RMDN2: variants seen among roughly 807,000 people sequenced by gnomAD.
RMDN2 encodes regulator of microtubule dynamics protein 2.
RMDN2 carries 61 observed loss-of-function variants against 52.8 expected under a neutral mutation model. The ratio of observed to expected loss-of-function variants is 1.16; its 90% CI spans 0.94 to 1.43. The LOEUF (loss-of-function observed/expected upper bound fraction) is 1.43. RMDN2 is among the 40% of genes most tolerant of loss of function. The pLI is 0.00. For missense variants in RMDN2, 592 were observed against 475.3 expected, an observed-to-expected ratio of 1.25 and a Z score of -2.28; for synonymous variants, 180 against 153.1, an observed-to-expected ratio of 1.18 and a Z score of -1.30.
intron 2 of RMDN2, among the ~76,000 whole-genome samples, chr2:37,962,674 T>G (rs1315349266): frequency 6.6e-6 from 1 of 152,006 alleles, no homozygotes. Context: ...CTCCCTGGCT[T>G]TTGCCTCCTT....
chr2:37,968,682 A>C (rs1034636746), intron 2 of RMDN2, among the ~76,000 whole-genome samples: 2 of 152,212 alleles, frequency 1.3e-5, no homozygotes, highest in African/African-American at 4.8e-5. Context: ...ACAATGGCAT[A>C]GTTTTTGTGA....
In RMDN2 at chr2:38,009,491, G is replaced by T. The variant is rs184053668; in HGVS notation, c.1179+5275G>T. Among the ~76,000 whole-genome samples the T allele has an allele frequency of 5.3e-5, 8 of 152,220 alleles. No homozygotes were observed. The East Asian group carries it at 1.5e-3, about 29-fold the overall frequency. ...TCCATCACTGATACCCTTTCTTCCAGTTGATCAAATTGGCTACTGAGGCTT... is the reference window on the plus strand; with the variant it reads ...TCCATCACTGATACCCTTTCTTCCATTTGATCAAATTGGCTACTGAGGCTT... On this transcript the variant is annotated intron_variant, in intron 10 of 10. Transcript: ENST00000354545.
At chr2:38,015,416 T>G (rs549802932) in intron 10 of RMDN2, among the ~76,000 whole-genome samples, 21 of 152,070 alleles carry the variant, frequency 1.4e-4, no homozygotes, top group African/African-American at 4.8e-4. Context: ...AATACAAAAA[T>G]TAGCTGGGCA....
intron 2 of RMDN2, among the ~76,000 whole-genome samples, chr2:37,961,429 T>G (rs972592955): frequency 1.3e-5 from 2 of 151,988 alleles, no homozygotes; most frequent in African/African-American, 4.8e-5. Flanking sequence ...ACAATTTATT[T>G]CATTAAGTTA....
In RMDN2 at chr2:37,939,724, A is replaced by T. The variant is rs1027572398; in HGVS notation, c.452+9995A>T. Among the ~76,000 whole-genome samples, 5 of 151,950 alleles carry T rather than the reference A, an allele frequency of 3.3e-5. No homozygotes were observed. The East Asian group carries it at 9.6e-4, about 29-fold the overall frequency. On this transcript the variant is annotated intron_variant, in intron 2 of 10. Transcript: ENST00000354545. The stretch of plus-strand genomic sequence containing the variant: ...TAGTATTGCAAACCCTGCTTTTTTT[A>T]GCTTTCCATTTGCTTTGTAAATCAT...
intron 2 of RMDN2, among the ~76,000 whole-genome samples, chr2:37,940,397 T>G (rs1027187010): frequency 6.6e-6 from 1 of 152,148 alleles, no homozygotes; most frequent in African/African-American, 2.4e-5. Context: ...TTTGTGGTGT[T>G]CTCTGTATTT....
chr2:37,932,924 C>T (rs1198255383), intron 2 of RMDN2, among the ~76,000 whole-genome samples: 2 of 148,554 alleles, frequency 1.3e-5, no homozygotes, highest in African/African-American at 2.5e-5. Context: ...CTGACCCCCC[C>T]ACCTCCCTCC....
At chr2:37,988,736 CA>C (rs938129417) in intron 5 of RMDN2, among the ~76,000 whole-genome samples, 2 of 152,152 alleles carry the variant, frequency 1.3e-5, no homozygotes, top group African/African-American at 4.8e-5. Context: ...TTACCTTAGA[CA>C]AAAACACTCT....
At chr2:38,051,414 G>A (rs184508967) in intron 10 of RMDN2, among the ~76,000 whole-genome samples, 16 of 151,990 alleles carry the variant, frequency 1.1e-4, no homozygotes, top group South Asian at 6.2e-4. Flanking sequence ...TTATCTATTC[G>A]TAGTATTTGT....
intron 10 of RMDN2, among the ~76,000 whole-genome samples, chr2:38,024,471 C>G (rs1374195): frequency 6.6e-6 from 1 of 152,148 alleles, no homozygotes; most frequent in East Asian, 1.9e-4. Context: ...ATTTTAGCTA[C>G]TGCACTAGGC....
At chr2:38,030,857 C>G (rs1359658142) in intron 10 of RMDN2, 1 of 152,114 alleles carries the variant, frequency 6.6e-6, no homozygotes, top group Non-Finnish European at 1.5e-5. Context: ...ACATTCAGAG[C>G]CATACAATGT....
intron 2 of RMDN2, among the ~76,000 whole-genome samples, chr2:37,962,889 C>T (rs1009993142): frequency 1.3e-5 from 2 of 152,198 alleles, no homozygotes; most frequent in African/African-American, 2.4e-5. Context: ...AAAAGCGTAG[C>T]ATCTGGGCTA....
At chr2:37,941,968 G>T (rs1409327412) in intron 2 of RMDN2, among the ~76,000 whole-genome samples, 4 of 150,796 alleles carry the variant, frequency 2.7e-5, no homozygotes, top group African/African-American at 9.8e-5. Context: ...AATTCCTGCA[G>T]CTAGCTCGGT....
At chr2:37,989,053 G>A (rs1674411259) in intron 5 of RMDN2, among the ~76,000 whole-genome samples, 1 of 152,008 alleles carries the variant, frequency 6.6e-6, no homozygotes, top group Non-Finnish European at 1.5e-5. Flanking sequence ...CATATTTATT[G>A]GTATTAAAGG....
rs150185991 is a variant in RMDN2 at position 37,979,668 on chromosome 2, C to T, written c.731-1615C>T. Among the ~76,000 whole-genome samples the T allele has an allele frequency of 7.5e-4, 114 of 152,176 alleles. 6 individuals carry two copies. Among genetic ancestry groups the T allele is most frequent in the Admixed American group, 6.7e-3 (102 of 15,292 alleles). On this transcript the variant is annotated intron_variant, in intron 4 of 10. Transcript: ENST00000354545. ...CGATATGAATGCATCATAAAGATCA[C>T]AAAATACAGTTCTCTAAAGGAAATA... is the stretch of plus-strand genomic sequence containing the variant.
chr2:37,956,285 T>C (rs1050912125), intron 2 of RMDN2, among the ~76,000 whole-genome samples: 1 of 152,184 alleles, frequency 6.6e-6, no homozygotes, highest in Non-Finnish European at 1.5e-5. Context: ...TAGTAGTTTG[T>C]GTGTTTCCAG....
chr2:38,037,510 A>G (rs962089521), intron 10 of RMDN2, among the ~76,000 whole-genome samples: 2 of 152,244 alleles, frequency 1.3e-5, no homozygotes, highest in African/African-American at 4.8e-5. Flanking sequence ...GGCAACACCA[A>G]AGGAATTTTA....
intron 8 of RMDN2, among the ~76,000 whole-genome samples, chr2:38,001,138 T>C (rs1212638426): frequency 1.3e-5 from 2 of 152,214 alleles, no homozygotes; most frequent in African/African-American, 2.4e-5. Context: ...AGGCTGCTGC[T>C]TGAGCTTATA....
intron 10 of RMDN2, among the ~76,000 whole-genome samples, chr2:38,044,243 G>C (rs1165312203): frequency 3.3e-5 from 5 of 151,856 alleles, no homozygotes; most frequent in African/African-American, 1.2e-4. Context: ...TAAGAAATCT[G>C]ATGTAATTCT....
Sources: allele counts gnomAD v4.1 joint callset (sites outside exome capture counted in the v4.1 genomes callset), GRCh38; gene constraint gnomAD v4.1.1; transcripts MANE v1.5; gene names NCBI Gene and HGNC (gene_info 2026-07-23, HGNC 2026-07-21).